The following CSMD1 variants were observed in gnomAD, a reference collection of about 807,000 sequenced individuals.
The protein encoded by CSMD1 is CUB and sushi domain-containing protein 1.
CSMD1 carries 213 observed loss-of-function variants against 417.5 expected under a neutral mutation model. The ratio of observed to expected loss-of-function variants is 0.51; its 90% confidence interval spans 0.46 to 0.57. CSMD1 has a LOEUF of 0.57. CSMD1 is among the 20% of genes least tolerant of loss of function. The pLI is 0.00. For missense variants in CSMD1, 6,923 were observed against 4,529.7 expected (o/e 1.53, Z -15.17); for synonymous variants, 2,862 against 1,736.8 (o/e 1.65, Z -16.11).
intron 2 of CSMD1, among the ~76,000 whole-genome samples, chr8:4,522,403 T>C (rs1244289004): frequency 6.6e-6 from 1 of 152,130 alleles, no homozygotes. Flanking sequence ...AACGGTATAA[T>C]ATAGTTATGT....
intron 35 of CSMD1, among the ~76,000 whole-genome samples, chr8:3,188,316 T>TC (rs1459438087): frequency 3.7e-5 from 5 of 136,182 alleles, no homozygotes; most frequent in Non-Finnish European, 7.9e-5. Context: ...TTTTTTTTTT[T>TC]TTTTTTTTGA....
chr8:3,442,822 G>A (rs772989960), intron 12 of CSMD1, among the ~76,000 whole-genome samples: 1 of 151,474 alleles, frequency 6.6e-6, no homozygotes, highest in African/African-American at 2.4e-5. Context: ...AGAGATATTA[G>A]TACATAGATT....
intron 7 of CSMD1, among the ~76,000 whole-genome samples, chr8:3,669,787 G>T (rs1175244977): frequency 6.6e-6 from 1 of 152,102 alleles, no homozygotes; most frequent in Non-Finnish European, 1.5e-5. Flanking sequence ...AGAGCCCTCA[G>T]GGATCCACGT....
intron 5 of CSMD1, among the ~76,000 whole-genome samples, chr8:3,931,093 CAT>C (rs1375940234): frequency 6.6e-6 from 1 of 150,556 alleles, no homozygotes; most frequent in East Asian, 1.9e-4. Flanking sequence ...TCTTTCTTTA[CAT>C]ATATCATTAA....
chr8:3,322,514 G>C (rs541841512), intron 23 of CSMD1, among the ~76,000 whole-genome samples: 15 of 152,310 alleles, frequency 9.8e-5, no homozygotes, highest in African/African-American at 3.4e-4. Context: ...TTCCAGAAGA[G>C]AGAGCTAATC....
chr8:3,522,600 G>A (rs568557793), intron 10 of CSMD1, among the ~76,000 whole-genome samples: 2 of 152,100 alleles, frequency 1.3e-5, no homozygotes, highest in African/African-American at 4.8e-5. Context: ...GTTTCAGGCA[G>A]CCCACACTCC....
At chr8:4,231,544 G>A (rs528639022) in intron 3 of CSMD1, among the ~76,000 whole-genome samples, 1 of 152,086 alleles carries the variant, frequency 6.6e-6, no homozygotes, top group African/African-American at 2.4e-5. Flanking sequence ...GGTGTTAAAG[G>A]CTAAGCAATG....
chr8:3,161,526 A>G (rs1585518401), intron 38 of CSMD1, among the ~76,000 whole-genome samples: 1 of 149,470 alleles, frequency 6.7e-6, no homozygotes, highest in Non-Finnish European at 1.5e-5. Context: ...CTGAGGCAGG[A>G]GAATTGTTTG....
intron 3 of CSMD1, among the ~76,000 whole-genome samples, chr8:4,190,543 CTTTT>C (rs11397580): frequency 6.8e-6 from 1 of 147,884 alleles, no homozygotes; most frequent in African/African-American, 2.5e-5. Flanking sequence ...CACATATAAG[CTTTT>C]TTTTTTTTAA....
chr8:4,661,659 A>G (rs975767138), intron 1 of CSMD1, among the ~76,000 whole-genome samples: 4 of 152,224 alleles, frequency 2.6e-5, no homozygotes, highest in Non-Finnish European at 5.9e-5. Flanking sequence ...GATACAAGAT[A>G]TCTCTCCGTA....
chr8:4,725,274 G>C (rs1809351487), intron 1 of CSMD1, among the ~76,000 whole-genome samples: 1 of 152,136 alleles, frequency 6.6e-6, no homozygotes. Context: ...GTACATGAAT[G>C]ACCAAGATCT....
At position 2,973,155 on chromosome 8, in the gene CSMD1, A is replaced by C; in HGVS notation, c.8885T>G (p.Leu2962Arg). The change falls in exon 57 of 70, where the codon CTC (leucine) becomes CGC (arginine). Residue 2962 changes from leucine to arginine, a missense_variant. Physicochemically the swap from Leu to Arg is moderately radical, Grantham distance 102. Transcript: ENST00000635120. ...LRGSPERTCL[L>R]NGSWSGLQPV... The stretch of plus-strand genomic sequence containing the variant: ...CTGCAGTCCTGACCATGACCCATTG[A>C]GCAAACACGTGCGTTCAGGGGAGCC... 6.2e-7 allele frequency: 1 copy of C among 1,613,750 alleles called. No homozygotes were observed. Among genetic ancestry groups the C allele is most frequent in the Admixed American group, 1.7e-5 (1 of 60,004 alleles).
intron 17 of CSMD1, among the ~76,000 whole-genome samples, chr8:3,391,439 T>G (rs1811342954): frequency 6.6e-6 from 1 of 152,222 alleles, no homozygotes; most frequent in Non-Finnish European, 1.5e-5. Flanking sequence ...ATGACAATTT[T>G]AAAGTGGTGA....
intron 2 of CSMD1, among the ~76,000 whole-genome samples, chr8:4,533,551 A>T (rs1563263760): frequency 1.3e-5 from 2 of 151,642 alleles, no homozygotes; most frequent in Non-Finnish European, 1.5e-5. Context: ...ATTCTTGGGA[A>T]TTTTTTTTTC....
At chr8:4,504,218 A>G (rs760304950) in intron 2 of CSMD1, among the ~76,000 whole-genome samples, 1 of 152,176 alleles carries the variant, frequency 6.6e-6, no homozygotes, top group Non-Finnish European at 1.5e-5. Context: ...TGTGTGAACC[A>G]AGTCAGTTAC....
intron 3 of CSMD1, among the ~76,000 whole-genome samples, chr8:4,088,824 C>G (rs955994932): frequency 2.6e-5 from 4 of 152,120 alleles, no homozygotes; most frequent in Non-Finnish European, 2.9e-5. Context: ...GTGGACTCAT[C>G]CCTCCCTCTG....
intron 3 of CSMD1, among the ~76,000 whole-genome samples, chr8:4,170,438 A>G (rs1297808760): frequency 6.6e-6 from 1 of 151,946 alleles, no homozygotes; most frequent in Non-Finnish European, 1.5e-5. Flanking sequence ...AAATGTTCAA[A>G]TACTTCCCCT....
At chr8:4,393,020 G>A (rs1043167908) in intron 3 of CSMD1, among the ~76,000 whole-genome samples, 6 of 152,124 alleles carry the variant, frequency 3.9e-5, no homozygotes, top group Non-Finnish European at 8.8e-5. Context: ...CTGTCATCCA[G>A]GCTGGAGTGC....
chr8:3,735,546 T>C (rs1280647873), intron 6 of CSMD1, among the ~76,000 whole-genome samples: 4 of 152,354 alleles, frequency 2.6e-5, no homozygotes, highest in African/African-American at 9.6e-5. Flanking sequence ...AAGCAAATTC[T>C]GCCTTTAGAA....
Sources: allele counts gnomAD v4.1 joint callset (sites outside exome capture counted in the v4.1 genomes callset), GRCh38; gene constraint gnomAD v4.1.1; transcripts MANE v1.5; gene names NCBI Gene and HGNC (gene_info 2026-07-23, HGNC 2026-07-21).